CLSTN2: variants seen among roughly 807,000 people sequenced by gnomAD.
CLSTN2 encodes the protein calsyntenin 2.
Under a neutral mutation model 101.2 loss-of-function variants are expected in CLSTN2, and 48 were observed. The ratio of observed to expected loss-of-function variants is 0.47; its 90% confidence interval spans 0.38 to 0.60. The LOEUF (loss-of-function observed/expected upper bound fraction) is 0.60, where lower values mean the gene tolerates loss of function less well. Ranked by LOEUF, CLSTN2 falls within the 20% of genes least tolerant of loss-of-function variation. The probability of loss-of-function intolerance (pLI) is 0.00; values close to 1 mark genes in which losing one functional copy is unlikely to be tolerated. For synonymous variants in CLSTN2, 481 were observed against 463.6 expected (o/e 1.04, Z -0.48); for missense variants, 1,160 against 1,238.2 (o/e 0.94, Z 0.95).
rs78744687 is a variant in CLSTN2, at chr3:140,448,851, A to T, written c.973+147A>T. 4.8e-5 allele frequency: 34 copies of T among 709,136 alleles called. No individual in the cohort carries two copies. In the East Asian group the frequency reaches 5.5e-4, roughly 11 times the overall value. 43.9% of individuals were successfully genotyped at this position (709,136 alleles called of 1,614,324 possible). On this transcript the variant is annotated intron_variant, in intron 6 of 16. Coordinates refer to ENST00000458420, the MANE Select transcript of CLSTN2 (RefSeq NM_022131.3). ...TCCTGGATGGATTTTAAGTTTACTT[A>T]TGGCAGAAGGGTTGGAAGGCCCAGT...
At chr3:140,128,395 C>T (rs902669055) in intron 1 of CLSTN2, among the ~76,000 whole-genome samples, 3 of 152,162 alleles carry the variant, frequency 2.0e-5, no homozygotes, top group African/African-American at 7.2e-5. Flanking sequence ...TATCAGACAG[C>T]ATCCTGGCAG....
At chr3:140,250,083 C>A (rs901685258) in intron 2 of CLSTN2, among the ~76,000 whole-genome samples, 3 of 152,172 alleles carry the variant, frequency 2.0e-5, no homozygotes, top group Non-Finnish European at 4.4e-5. Context: ...AGGCAAAAAA[C>A]TTGAAGAATA....
At chr3:140,031,033 TG>T (rs1560074526) in intron 1 of CLSTN2, among the ~76,000 whole-genome samples, 1 of 152,224 alleles carries the variant, frequency 6.6e-6, no homozygotes, top group African/African-American at 2.4e-5. Context: ...TTATTCCTCT[TG>T]GGAAATCTTG....
At chr3:140,217,048 G>T (rs1276611253) in intron 2 of CLSTN2, among the ~76,000 whole-genome samples, 1 of 152,168 alleles carries the variant, frequency 6.6e-6, no homozygotes, top group African/African-American at 2.4e-5. Flanking sequence ...CTGCTGAAAT[G>T]ATCAGGGTAC....
intron 8 of CLSTN2, chr3:140,507,939 A>G (rs976444974): frequency 1.3e-5 from 2 of 152,168 alleles, no homozygotes; most frequent in African/African-American, 4.8e-5. Context: ...AACTTGCCCC[A>G]AGTTCCAATC....
chr3:140,109,603 C>T (rs937080393), intron 1 of CLSTN2, among the ~76,000 whole-genome samples: 7 of 152,116 alleles, frequency 4.6e-5, no homozygotes, highest in Non-Finnish European at 8.8e-5. Context: ...TTGGAAGTCC[C>T]CATAATGTCT....
chr3:140,225,539 C>A (rs576538899), intron 2 of CLSTN2, among the ~76,000 whole-genome samples: 1 of 152,102 alleles, frequency 6.6e-6, no homozygotes, highest in Non-Finnish European at 1.5e-5. Context: ...CTCTTGTCGC[C>A]CAGGCTGGAG....
In CLSTN2 at chr3:139,935,811, A is replaced by G. The variant is rs1374721121; in HGVS notation, c.109+328A>G. The stretch of plus-strand genomic sequence containing the variant: ...CGAGCTCTGGCCCAGGGACGGCTAG[A>G]GCAGGGCGCTGGCGCGCCGTGGGGA... On this transcript the variant is annotated intron_variant, in intron 1 of 16. Coordinates refer to ENST00000458420, the MANE Select transcript of CLSTN2 (RefSeq NM_022131.3). This position sits in a 1 kb window ranked among gnomAD's most constrained non-coding sequence, Gnocchi z 5.5. 6.6e-6 allele frequency among the ~76,000 whole-genome samples: 1 copy of G among 151,950 alleles called. No individual in the cohort carries two copies. Among genetic ancestry groups the G allele is most frequent in the African/African-American group, 2.4e-5 (1 of 41,396 alleles).
intron 2 of CLSTN2, among the ~76,000 whole-genome samples, chr3:140,402,299 G>C (rs2088251699): frequency 6.6e-6 from 1 of 152,186 alleles, no homozygotes; most frequent in African/African-American, 2.4e-5. Context: ...GAGATGGTGT[G>C]GTGGGATAGA....
chr3:140,342,688 C>T (rs1290521563), intron 2 of CLSTN2, among the ~76,000 whole-genome samples: 10 of 152,074 alleles, frequency 6.6e-5, no homozygotes, highest in Admixed American at 6.5e-4. Flanking sequence ...GTCTGGGGTC[C>T]TCACTAGGAA....
intron 4 of CLSTN2, among the ~76,000 whole-genome samples, chr3:140,417,269 G>A (rs1472029911): frequency 1.3e-5 from 2 of 151,944 alleles, no homozygotes; most frequent in African/African-American, 4.8e-5. Flanking sequence ...TCCATCTTAT[G>A]CATAGACATT....
chr3:140,075,697 TG>T (rs1274371488), intron 1 of CLSTN2, among the ~76,000 whole-genome samples: 1 of 152,136 alleles, frequency 6.6e-6, no homozygotes, highest in Non-Finnish European at 1.5e-5. Context: ...GAGTTGTTGT[TG>T]GGATGCAGAA....
chr3:140,182,417 T>C (rs1360195951), intron 2 of CLSTN2, among the ~76,000 whole-genome samples: 1 of 152,158 alleles, frequency 6.6e-6, no homozygotes, highest in East Asian at 1.9e-4. Flanking sequence ...CAGGACCTCA[T>C]TTCCCTATCC....
chr3:140,523,164 G>A (rs913851432), intron 8 of CLSTN2, among the ~76,000 whole-genome samples: 6 of 152,064 alleles, frequency 3.9e-5, no homozygotes, highest in Non-Finnish European at 8.8e-5. Context: ...CTAACTTCTC[G>A]GAGGTGACTT....
intron 1 of CLSTN2, among the ~76,000 whole-genome samples, chr3:140,096,473 A>G (rs2008871421): frequency 6.6e-6 from 1 of 152,168 alleles, no homozygotes; most frequent in Admixed American, 6.5e-5. Context: ...GTGGCACTGG[A>G]AGTAAGGTGC....
chr3:139,938,684 A>G (rs939955250), intron 1 of CLSTN2, among the ~76,000 whole-genome samples: 7 of 152,264 alleles, frequency 4.6e-5, no homozygotes, highest in African/African-American at 1.7e-4. Context: ...GGGAAGGAAG[A>G]CAATGCAATC....
At chr3:140,191,870 T>C (rs1331906733) in intron 2 of CLSTN2, among the ~76,000 whole-genome samples, 2 of 152,004 alleles carry the variant, frequency 1.3e-5, no homozygotes, top group Non-Finnish European at 2.9e-5. Context: ...TTCTGTATTA[T>C]TTCCTTCATC....
At chr3:140,194,995 TC>T in intron 2 of CLSTN2, among the ~76,000 whole-genome samples, 1 of 152,168 alleles carries the variant, frequency 6.6e-6, no homozygotes, top group Non-Finnish European at 1.5e-5. Flanking sequence ...TACGGGAGGG[TC>T]CTCATTGCTG....
intron 1 of CLSTN2, among the ~76,000 whole-genome samples, chr3:140,128,711 C>G (rs2107803013): frequency 6.6e-6 from 1 of 152,264 alleles, no homozygotes; most frequent in South Asian, 2.1e-4. Flanking sequence ...ATTCCTCTCT[C>G]CTCTTCCTTC....
Sources: gnomAD v4.1 joint callset for allele counts (sites outside exome capture counted in the v4.1 genomes callset) on GRCh38, gnomAD v4.1.1 for gene constraint, Gnocchi (gnomAD v3.1) non-coding constraint, MANE v1.5 for transcripts, NCBI Gene and HGNC (gene_info 2026-07-23, HGNC 2026-07-21) for gene names.